The following ACAP2 variants were observed in gnomAD, a reference collection of about 807,000 sequenced individuals.
ACAP2 encodes the protein ArfGAP with coiled-coil, ankyrin repeat and PH domains 2, also known as arf-GAP with coiled-coil, ANK repeat and PH domain-containing protein 2.
ACAP2 carries 39 observed loss-of-function variants against 115.8 expected under a neutral mutation model. The ratio of observed to expected loss-of-function variants is 0.34; its 90% confidence interval spans 0.26 to 0.44. ACAP2 has a LOEUF of 0.44. Among genes scored for constraint, ACAP2 ranks in the 20% least tolerant of loss-of-function variants. The pLI is 1.00. For synonymous variants in ACAP2, 289 were observed against 315.8 expected (o/e 0.92, Z 0.90); for missense variants, 662 against 927.6 (o/e 0.71, Z 3.72).
At chr3:195,382,542 C>T (rs1280605226) in intron 2 of ACAP2, among the ~76,000 whole-genome samples, 1 of 152,000 alleles carries the variant, frequency 6.6e-6, no homozygotes. Flanking sequence ...TTCTTTCTCT[C>T]CTTTCTTTCA....
At chr3:195,369,680 C>T (rs1472432317) in intron 4 of ACAP2, among the ~76,000 whole-genome samples, 1 of 152,100 alleles carries the variant, frequency 6.6e-6, no homozygotes, top group East Asian at 1.9e-4. Flanking sequence ...TAGGTTGAAT[C>T]TATGTTTTTG....
intron 1 of ACAP2, among the ~76,000 whole-genome samples, chr3:195,413,264 A>G (rs576475557): frequency 6.6e-6 from 1 of 152,342 alleles, no homozygotes; most frequent in East Asian, 1.9e-4. Context: ...GTTCATTAGA[A>G]AAGTATAGTC....
intron 1 of ACAP2, among the ~76,000 whole-genome samples, chr3:195,405,112 A>G (rs1431867815): frequency 6.8e-6 from 1 of 147,146 alleles, no homozygotes; most frequent in East Asian, 2.5e-4. Flanking sequence ...TTGCCGCTTA[A>G]ACACAGTCTA....
At chr3:195,435,046 T>C (rs1161948300) in intron 1 of ACAP2, among the ~76,000 whole-genome samples, 1 of 151,958 alleles carries the variant, frequency 6.6e-6, no homozygotes, top group East Asian at 1.9e-4. Context: ...CAATTATTTT[T>C]CTCAATTGTT....
rs201695900 is a variant in ACAP2 at position 195,333,157 on chromosome 3, C to G, written c.574-34G>C. The G allele has an allele frequency of 1.3e-4, 149 of 1,183,636 alleles. No homozygotes were observed. In the African/African-American group the frequency reaches 2.0e-3, roughly 16 times the overall value. The allele number at this position is 1,183,636 out of a possible 1,614,324, so 73.3% of individuals were successfully genotyped here. On this transcript the variant is annotated intron_variant, in intron 7 of 22. Transcript: ENST00000326793. ...GAAAAAAAGATGACCATTTTAAAATCTATTCCTAGATAGACATTCTGAAAT... is the reference window on the plus strand; with the variant it reads ...GAAAAAAAGATGACCATTTTAAAATGTATTCCTAGATAGACATTCTGAAAT...
chr3:195,435,690 T>C (rs1467188242), intron 1 of ACAP2, among the ~76,000 whole-genome samples: 1 of 152,228 alleles, frequency 6.6e-6, no homozygotes, highest in Admixed American at 6.5e-5. Context: ...TTTCAAATTT[T>C]ATCCCCTTAT....
At position 195,274,767 on chromosome 3, in the gene ACAP2, T is replaced by C. The variant is rs984215433; in HGVS notation, c.*4561A>G. On this transcript the variant is annotated 3_prime_UTR_variant, in exon 23 of 23. Coordinates refer to ENST00000326793, the MANE Select transcript of ACAP2 (RefSeq NM_012287.6). The stretch of plus-strand genomic sequence containing the variant: ...AACTAAGCCAGAGGTGAGATCTTTA[T>C]TGACTTATTGTAATTTTTTGGCATA... The C allele has an allele frequency of 6.6e-6, 1 of 152,656 alleles. No individual in the cohort carries two copies. The highest frequency in any genetic ancestry group is 6.5e-5 in the Admixed American group (1 of 15,280). The allele number at this position is 152,656 out of a possible 1,614,324, so 9.5% of individuals were successfully genotyped here.
At chr3:195,347,773 C>G (rs1010801883) in intron 4 of ACAP2, among the ~76,000 whole-genome samples, 1 of 152,068 alleles carries the variant, frequency 6.6e-6, no homozygotes, top group African/African-American at 2.4e-5. Flanking sequence ...TTTGGGAGCC[C>G]AAGGTTGGAG....
intron 10 of ACAP2, among the ~76,000 whole-genome samples, chr3:195,312,085 C>A (rs758860329): frequency 1.5e-4 from 23 of 151,664 alleles, no homozygotes; most frequent in Non-Finnish European, 2.8e-4. Flanking sequence ...ACAAAAAATT[C>A]GAGTTATCTT....
intron 1 of ACAP2, among the ~76,000 whole-genome samples, chr3:195,424,283 A>ATTTTTTTT (rs1162275706): frequency 1.8e-5 from 1 of 54,112 alleles, no homozygotes; most frequent in African/African-American, 9.5e-5. Context: ...ATATATATAT[A>ATTTTTTTT]TTTTTTTTTT....
rs1729826156 is a variant in ACAP2 at position 195,326,795 on chromosome 3, A to T, written c.744+90T>A. The T allele has an allele frequency of 5.3e-6, 6 of 1,125,702 alleles. No individual in the cohort carries two copies. The East Asian group carries it at 1.4e-4, about 27-fold the overall frequency. The allele number at this position is 1,125,702 out of a possible 1,614,324, so 69.7% of individuals were successfully genotyped here. On this transcript the variant is annotated intron_variant, in intron 9 of 22. Coordinates refer to ENST00000326793, the MANE Select transcript of ACAP2 (RefSeq NM_012287.6). ...CACAATTATTAGAACAACTCAAAAG[A>T]TTTGTTCCAATACAATGATACCTTG...
At chr3:195,342,707 T>G in intron 5 of ACAP2, 53 bp from the exon 6 acceptor site, 1 of 1,478,828 alleles carries the variant, frequency 6.8e-7, no homozygotes. Context: ...ATTAAAAAAC[T>G]TTAGCAGGCT....
chr3:195,397,983 T>C (rs1711943854), intron 1 of ACAP2, among the ~76,000 whole-genome samples: 1 of 152,206 alleles, frequency 6.6e-6, no homozygotes, highest in African/African-American at 2.4e-5. Context: ...TAATTTCCTT[T>C]AAGAGAAAAC....
intron 6 of ACAP2, among the ~76,000 whole-genome samples, chr3:195,341,876 G>T (rs1730900883): frequency 6.6e-6 from 1 of 152,150 alleles, no homozygotes; most frequent in South Asian, 2.1e-4. Flanking sequence ...TATCCTAAAG[G>T]AAGTAACACA....
chr3:195,396,793 G>GCAAAAAAA (rs1711818182), intron 1 of ACAP2, among the ~76,000 whole-genome samples: 1 of 91,820 alleles, frequency 1.1e-5, no homozygotes, highest in Non-Finnish European at 1.9e-5. Flanking sequence ...TCTCAAAAAA[G>GCAAAAAAA]AAAAAAAAAA....
At chr3:195,309,750 TAATC>T (rs1311216000) in intron 10 of ACAP2, among the ~76,000 whole-genome samples, 1 of 152,164 alleles carries the variant, frequency 6.6e-6, no homozygotes, top group African/African-American at 2.4e-5. Context: ...CTAAGTAAAA[TAATC>T]AAAGTTATTA....
At chr3:195,372,849 G>A (rs1430636572) in intron 4 of ACAP2, among the ~76,000 whole-genome samples, 1 of 151,736 alleles carries the variant, frequency 6.6e-6, no homozygotes, top group African/African-American at 2.4e-5. Context: ...ATAGTACCTC[G>A]GAAGAGCACT....
intron 22 of ACAP2, among the ~76,000 whole-genome samples, chr3:195,281,254 AATT>A (rs1331009226): frequency 6.6e-6 from 1 of 152,008 alleles, no homozygotes; most frequent in Non-Finnish European, 1.5e-5. Context: ...AAATACAAAA[AATT>A]AGCCGGGCGT....
chr3:195,371,998 T>A (rs115990026), intron 4 of ACAP2, among the ~76,000 whole-genome samples: 1 of 152,150 alleles, frequency 6.6e-6, no homozygotes, highest in South Asian at 2.1e-4. Flanking sequence ...AAAATTTACA[T>A]TGAAACATTT....
Sources: allele counts gnomAD v4.1 joint callset (sites outside exome capture counted in the v4.1 genomes callset), GRCh38; gene constraint gnomAD v4.1.1; transcripts MANE v1.5; gene names NCBI Gene and HGNC (gene_info 2026-07-23, HGNC 2026-07-21).